The following MKX variants were observed in gnomAD, a reference collection of about 807,000 sequenced individuals.
The protein encoded by MKX is homeobox protein Mohawk.
In MKX, 13 loss-of-function variants were observed where a neutral mutation model predicts 36.0. That is an observed-to-expected ratio of 0.36 (90% confidence interval 0.24 to 0.57). MKX has a LOEUF of 0.57. Ranked by LOEUF, MKX falls within the 20% of genes least tolerant of loss-of-function variation. MKX has a pLI of 0.79. For synonymous variants in MKX, 176 were observed against 178.3 expected, an observed-to-expected ratio of 0.99 and a Z score of 0.10; for missense variants, 458 against 456.4, an observed-to-expected ratio of 1.00 and a Z score of -0.03.
In MKX at chr10:27,734,865, C is replaced by T. The variant is rs188369330; in HGVS notation, c.503-74G>A. The stretch of plus-strand genomic sequence containing the variant: ...CAGCCACCCAACTCTTATATTTAAT[C>T]CTTAAAAATATATAAAGGAAATATA... On this transcript the variant is annotated intron_variant, in intron 4 of 6. Coordinates refer to ENST00000419761, the MANE Select transcript of MKX (RefSeq NM_173576.3). 9.4e-6 allele frequency: 8 copies of T among 855,004 alleles called. No homozygotes were observed. The Admixed American group carries it at 1.3e-4, about 14-fold the overall frequency. The allele number at this position is 855,004 out of a possible 1,614,324, so 53.0% of individuals were successfully genotyped here.
At chr10:27,743,564 C>T (rs1589703206) in intron 1 of MKX, 67 bp from the exon 2 acceptor site, 5 of 880,456 alleles carry the variant, frequency 5.7e-6, no homozygotes, top group Middle Eastern at 3.5e-4. Flanking sequence ...AGGTTCAGGG[C>T]CTTGAACTTG....
intron 5 of MKX, among the ~76,000 whole-genome samples, chr10:27,713,942 A>G (rs1165181233): frequency 7.2e-6 from 1 of 138,798 alleles, no homozygotes; most frequent in African/African-American, 2.6e-5. Context: ...TACAACTTCT[A>G]TTTTGTGACT....
chr10:27,680,594 T>G (rs1836237621), intron 5 of MKX, among the ~76,000 whole-genome samples: 1 of 152,144 alleles, frequency 6.6e-6, no homozygotes. Flanking sequence ...GCACATTAAT[T>G]CTGATATATA....
intron 5 of MKX, among the ~76,000 whole-genome samples, chr10:27,682,438 T>A (rs1699030607): frequency 6.6e-6 from 1 of 152,184 alleles, no homozygotes; most frequent in South Asian, 2.1e-4. Flanking sequence ...TCCTAGGCCT[T>A]CACATTCACT....
chr10:27,678,395 A>C (rs1189163360), intron 5 of MKX, among the ~76,000 whole-genome samples: 1 of 152,266 alleles, frequency 6.6e-6, no homozygotes, highest in Admixed American at 6.5e-5. Flanking sequence ...ATTCAATGGA[A>C]AGACTTGGCA....
chr10:27,714,258 T>C (rs562913903), intron 5 of MKX, among the ~76,000 whole-genome samples: 156 of 152,218 alleles, frequency 1.0e-3, no homozygotes, highest in African/African-American at 3.6e-3. Flanking sequence ...TTAAATAAAA[T>C]GTATGTAGAG....
chr10:27,679,988 AGGTG>A (rs1457210641), intron 5 of MKX, among the ~76,000 whole-genome samples: 7 of 152,150 alleles, frequency 4.6e-5, no homozygotes, highest in Admixed American at 3.3e-4. Flanking sequence ...CACTGCTGAC[AGGTG>A]GTCTCACCGG....
rs1407656676 is a variant in MKX, at chr10:27,744,033, G to A, written c.-82-536C>T. Among the ~76,000 whole-genome samples, 1 of 152,116 alleles carries A rather than the reference G, an allele frequency of 6.6e-6. No homozygotes were observed. Among genetic ancestry groups the A allele is most frequent in the African/African-American group, 2.4e-5 (1 of 41,438 alleles). On this transcript the variant is annotated intron_variant, in intron 1 of 6. Coordinates refer to ENST00000419761, the MANE Select transcript of MKX (RefSeq NM_173576.3). This position sits in a 1 kb window ranked among gnomAD's most constrained non-coding sequence, Gnocchi z 5.6. The stretch of plus-strand genomic sequence containing the variant: ...TCCCAGGCCATACCGGGATTTGGGG[G>A]ATTTTCGTGTTTTCTAGATCGTGGA...
chr10:27,731,134 A>C, intron 5 of MKX, among the ~76,000 whole-genome samples: 1 of 96,986 alleles, frequency 1.0e-5, no homozygotes, highest in South Asian at 4.5e-4. Flanking sequence ...ACTCCATCTC[A>C]AAAAAAAAAA....
At chr10:27,690,003 A>C (rs761748818) in intron 5 of MKX, among the ~76,000 whole-genome samples, 20 of 152,296 alleles carry the variant, frequency 1.3e-4, no homozygotes, top group Non-Finnish European at 2.1e-4. Context: ...TGGCATACAG[A>C]TCCTTTTTCC....
intron 5 of MKX, among the ~76,000 whole-genome samples, chr10:27,678,291 AG>A (rs1836190880): frequency 6.6e-6 from 1 of 152,188 alleles, no homozygotes; most frequent in Non-Finnish European, 1.5e-5. Context: ...CATTTTACAG[AG>A]GAAAAAAAAA....
At position 27,742,975 on chromosome 10, in the gene MKX, G is replaced by A. The variant is rs754638647; in HGVS notation, c.188+253C>T. 7.2e-5 allele frequency among the ~76,000 whole-genome samples: 11 copies of A among 152,386 alleles called. No individual in the cohort carries two copies. The highest frequency in any genetic ancestry group is 1.2e-4 in the Non-Finnish European group (8 of 68,038). On this transcript the variant is annotated intron_variant, in intron 2 of 6. Transcript: ENST00000419761. The surrounding 1 kb of genome is among the most constrained non-coding windows in gnomAD (Gnocchi z 4.2). ...CGAGGTCCAGGCAGCGGAGGGCCGA[G>A]GGGCAGCTCCTGGCGCCCTTAGTCT...
intron 5 of MKX, among the ~76,000 whole-genome samples, chr10:27,708,121 C>A (rs1286126571): frequency 1.3e-5 from 2 of 152,088 alleles, no homozygotes; most frequent in Non-Finnish European, 2.9e-5. Context: ...TTAAAAAAAA[C>A]TAAGAAATCC....
intron 5 of MKX, among the ~76,000 whole-genome samples, chr10:27,726,391 G>A (rs1310194080): frequency 1.3e-5 from 2 of 152,118 alleles, no homozygotes; most frequent in Admixed American, 6.6e-5. Context: ...ATGCCGCAGG[G>A]TTTAAATGAG....
chr10:27,711,729 G>A (rs927862228), intron 5 of MKX, among the ~76,000 whole-genome samples: 10 of 148,608 alleles, frequency 6.7e-5, no homozygotes, highest in African/African-American at 1.8e-4. Context: ...GCCCACCGCC[G>A]TGCTCAGCTA....
intron 1 of MKX, among the ~76,000 whole-genome samples, chr10:27,743,801 C>A (rs1022904026): frequency 6.6e-6 from 1 of 152,186 alleles, no homozygotes. Flanking sequence ...AATTCCCAAA[C>A]GAGCCTCTGG....
chr10:27,685,257 A>T (rs372499272), intron 5 of MKX, among the ~76,000 whole-genome samples: 1 of 152,146 alleles, frequency 6.6e-6, no homozygotes, highest in African/African-American at 2.4e-5. Context: ...ATGGCAACAG[A>T]ACCTATTAAA....
In MKX at chr10:27,741,568, G is replaced by A. The variant is rs1371936007; in HGVS notation, c.189-64C>T. On this transcript the variant is annotated intron_variant, in intron 2 of 6. Transcript: ENST00000419761. The surrounding 1 kb of genome is among the most constrained non-coding windows in gnomAD (Gnocchi z 5.1). Reference sequence around the variant, plus strand: ...GCGTTTGCCCGCCCGGACGCTCCACGCCCCGGCCAAGCCCGGGCCCCGCAT... The same window carrying A: ...GCGTTTGCCCGCCCGGACGCTCCACACCCCGGCCAAGCCCGGGCCCCGCAT... 4.0e-6 allele frequency: 6 copies of A among 1,498,240 alleles called. No individual in the cohort carries two copies. The Admixed American group carries it at 7.0e-5, about 18-fold the overall frequency. 92.8% of individuals were successfully genotyped at this position (1,498,240 alleles called of 1,614,324 possible).
At chr10:27,700,274 C>G (rs1483566336) in intron 5 of MKX, among the ~76,000 whole-genome samples, 1 of 152,160 alleles carries the variant, frequency 6.6e-6, no homozygotes, top group Admixed American at 6.5e-5. Context: ...TTATTTCAGT[C>G]TTTTCAATAA....
Sources: gnomAD v4.1 joint callset for allele counts (sites outside exome capture counted in the v4.1 genomes callset) on GRCh38, gnomAD v4.1.1 for gene constraint, Gnocchi (gnomAD v3.1) non-coding constraint, MANE v1.5 for transcripts, NCBI Gene and HGNC (gene_info 2026-07-23, HGNC 2026-07-21) for gene names.